SAMD5: variants seen among roughly 807,000 people sequenced by gnomAD.
SAMD5 encodes sterile alpha motif domain-containing protein 5.
A neutral mutation model predicts 11.3 loss-of-function variants in SAMD5; 13 were observed. The ratio of observed to expected loss-of-function variants is 1.15; its 90% confidence interval spans 0.75 to 1.83. The LOEUF is 1.83. Among genes scored for constraint, SAMD5 ranks in the 40% most tolerant of loss-of-function variants. The pLI is 0.00. For synonymous variants in SAMD5, 129 were observed against 111.3 expected (o/e 1.16, Z -1.00); for missense variants, 255 against 239.1 (o/e 1.07, Z -0.44).
chr6:147,907,842 A>AT, the SAMD5 span, among the ~76,000 whole-genome samples: 36 of 152,120 alleles, frequency 2.4e-4, no homozygotes, highest in Non-Finnish European at 3.8e-4. Context: ...CTGTAATGAT[A>AT]TTTTTTTACC....
chr6:147,939,508 A>G, the SAMD5 span, among the ~76,000 whole-genome samples: 1 of 152,230 alleles, frequency 6.6e-6, no homozygotes, highest in South Asian at 2.1e-4. Flanking sequence ...CTATCACCCA[A>G]GAAATTCCAA....
intron 1 of SAMD5, among the ~76,000 whole-genome samples, chr6:147,546,964 C>A (rs1455389763): frequency 6.6e-6 from 1 of 152,112 alleles, no homozygotes; most frequent in South Asian, 2.1e-4. Flanking sequence ...AGTTGATGGC[C>A]TCACCTGAGA....
chr6:147,565,155 T>A lies in SAMD5; in HGVS notation c.*699T>A. 2 of 985,700 alleles carry A rather than the reference T, an allele frequency of 2.0e-6. No individual in the cohort carries two copies. Among genetic ancestry groups the A allele is most frequent in the Non-Finnish European group, 2.4e-6 (2 of 829,854 alleles). 61.1% of individuals were successfully genotyped at this position (985,700 alleles called of 1,614,324 possible). ...TAGTATTAGGACTAATACAAGTGTC[T>A]TGCTCTGACATGCATCAAGCAAGAG... is the stretch of plus-strand genomic sequence containing the variant. On this transcript the variant is annotated 3_prime_UTR_variant, in exon 2 of 2. Transcript: ENST00000367474.
At chr6:147,938,796 G>T in the SAMD5 span, among the ~76,000 whole-genome samples, 1 of 152,160 alleles carries the variant, frequency 6.6e-6, no homozygotes, top group South Asian at 2.1e-4. Flanking sequence ...GGTCGACTTG[G>T]TATGTACTGT....
intron 1 of SAMD5, among the ~76,000 whole-genome samples, chr6:147,555,648 A>G (rs1345361256): frequency 6.6e-6 from 1 of 152,212 alleles, no homozygotes; most frequent in Non-Finnish European, 1.5e-5. Context: ...ATATTTTCCA[A>G]ATGACCAATA....
chr6:147,548,729 T>C (rs1788722940), intron 1 of SAMD5, among the ~76,000 whole-genome samples: 1 of 152,186 alleles, frequency 6.6e-6, no homozygotes, highest in Non-Finnish European at 1.5e-5. Flanking sequence ...GGTCATGTGC[T>C]GAAAGAAAAG....
chr6:147,579,496 C>T (rs1179039293), intron 1 of SAMD5, among the ~76,000 whole-genome samples: 1 of 121,570 alleles, frequency 8.2e-6, no homozygotes, highest in Non-Finnish European at 1.6e-5. Context: ...GACGGAGTCT[C>T]ACTCTGCAGT....
the SAMD5 span, among the ~76,000 whole-genome samples, chr6:147,868,644 G>C: frequency 6.6e-6 from 1 of 152,178 alleles, no homozygotes; most frequent in Non-Finnish European, 1.5e-5. Context: ...TACATATCCA[G>C]TAACATTTGG....
chr6:147,740,224 C>T (rs1024217273), downstream of SAMD5, among the ~76,000 whole-genome samples: 19 of 152,242 alleles, frequency 1.2e-4, no homozygotes, highest in African/African-American at 2.2e-4. Flanking sequence ...TGTCATGCAA[C>T]GCTGCCTCTT....
the SAMD5 span, among the ~76,000 whole-genome samples, chr6:147,833,406 A>C: frequency 6.6e-6 from 1 of 152,370 alleles, no homozygotes; most frequent in Admixed American, 6.5e-5. Context: ...AAGGAAACTA[A>C]GATTGTGTAT....
chr6:147,632,790 G>A (rs992176476), intron 1 of SAMD5, among the ~76,000 whole-genome samples: 6 of 152,104 alleles, frequency 3.9e-5, no homozygotes, highest in African/African-American at 1.4e-4. Flanking sequence ...ATTTTTCCAT[G>A]GCAGTTGTTA....
chr6:147,945,945 C>T, the SAMD5 span, among the ~76,000 whole-genome samples: 4 of 152,142 alleles, frequency 2.6e-5, no homozygotes, highest in South Asian at 2.1e-4. Flanking sequence ...GAGGTGAGAA[C>T]AGGAAGAGGT....
At chr6:147,673,151 A>T (rs968517644) in intron 1 of SAMD5, among the ~76,000 whole-genome samples, 8 of 152,138 alleles carry the variant, frequency 5.3e-5, no homozygotes, top group African/African-American at 1.9e-4. Flanking sequence ...ATGCTGATTA[A>T]TTGTTTAGAA....
the SAMD5 span, among the ~76,000 whole-genome samples, chr6:147,749,125 A>C: frequency 6.6e-6 from 1 of 151,292 alleles, no homozygotes; most frequent in South Asian, 2.1e-4. Context: ...TGGCTACCCA[A>C]GTTTTTGATA....
chr6:147,860,826 A>G, the SAMD5 span, among the ~76,000 whole-genome samples: 1 of 152,216 alleles, frequency 6.6e-6, no homozygotes, highest in Non-Finnish European at 1.5e-5. Context: ...TTTTCTATGA[A>G]TGGATTCCAT....
chr6:147,785,260 C>T, the SAMD5 span, among the ~76,000 whole-genome samples: 1 of 152,176 alleles, frequency 6.6e-6, no homozygotes, highest in Non-Finnish European at 1.5e-5. Flanking sequence ...TCCTTCCTTA[C>T]CTCACTTCTT....
chr6:147,824,841 A>G, the SAMD5 span, among the ~76,000 whole-genome samples: 1 of 152,150 alleles, frequency 6.6e-6, no homozygotes, highest in African/African-American at 2.4e-5. Context: ...TTCAGTGCAT[A>G]TTTATTGAGT....
chr6:147,578,401 C>T (rs1166242453), intron 1 of SAMD5, among the ~76,000 whole-genome samples: 3 of 152,066 alleles, frequency 2.0e-5, no homozygotes, highest in African/African-American at 7.2e-5. Flanking sequence ...TCCTAAGTTA[C>T]AATAAAAACA....
chr6:147,781,326 A>T, the SAMD5 span, among the ~76,000 whole-genome samples: 58 of 147,006 alleles, frequency 3.9e-4, 2 homozygotes, highest in South Asian at 9.1e-3. Flanking sequence ...TGGCTAATTT[A>T]AAAAAAAAAT....
Sources: allele counts gnomAD v4.1 joint callset (sites outside exome capture counted in the v4.1 genomes callset), GRCh38; gene constraint gnomAD v4.1.1; transcripts MANE v1.5; gene names NCBI Gene and HGNC (gene_info 2026-07-23, HGNC 2026-07-21).